The following CHD1L variants were observed in gnomAD, a reference collection of about 807,000 sequenced individuals.
CHD1L encodes chromodomain helicase DNA binding protein 1 like.
In CHD1L, 118 loss-of-function variants were observed where a neutral mutation model predicts 115.9. That is an observed-to-expected ratio of 1.02 (90% CI 0.88 to 1.19). The LOEUF is 1.19. CHD1L is among the 50% of genes most tolerant of loss of function. The probability of loss-of-function intolerance (pLI) is 0.00; values close to 1 mark genes in which losing one functional copy is unlikely to be tolerated. For synonymous variants in CHD1L, 411 were observed against 387.1 expected, an observed-to-expected ratio of 1.06 and a Z score of -0.72; for missense variants, 1,179 against 1,065.3, an observed-to-expected ratio of 1.11 and a Z score of -1.49.
chr1:147,187,258 A>C, the CHD1L span: 1 of 1,561,812 alleles, frequency 6.4e-7, no homozygotes, highest in Non-Finnish European at 8.7e-7. Context: ...AAAGTAGAAA[A>C]GACAGAAACC....
intron 2 of CHD1L, among the ~76,000 whole-genome samples, chr1:147,254,472 A>G (rs1268632324): frequency 6.6e-6 from 1 of 152,162 alleles, no homozygotes; most frequent in Non-Finnish European, 1.5e-5. Context: ...GAGGGCCACC[A>G]TGCGATTGGC....
the CHD1L span, among the ~76,000 whole-genome samples, chr1:147,206,896 C>T: frequency 6.6e-6 from 1 of 151,850 alleles, no homozygotes; most frequent in African/African-American, 2.4e-5. Flanking sequence ...AACAAACCTG[C>T]ACGTTGTGCA....
At chr1:147,295,347 T>C (rs2103053261) in intron 22 of CHD1L, 84 bp from the exon 23 acceptor site, 1 of 879,876 alleles carries the variant, frequency 1.1e-6, no homozygotes, top group Admixed American at 1.9e-5. Context: ...AGAACAGTTA[T>C]TTCAATAATT....
intron 1 of CHD1L, among the ~76,000 whole-genome samples, chr1:147,244,396 T>C (rs587773835): frequency 6.6e-6 from 1 of 152,294 alleles, no homozygotes; most frequent in South Asian, 2.1e-4. Context: ...TACTGAATAT[T>C]ATAACTTGTA....
At chr1:147,186,888 A>G in the CHD1L span, 1 of 1,599,946 alleles carries the variant, frequency 6.3e-7, no homozygotes, top group African/African-American at 1.3e-5. Context: ...CAGGGCAGTG[A>G]CAATAGGACA....
chr1:147,267,534 T>C lies in CHD1L; in HGVS notation c.988+16T>C. 6.3e-7 allele frequency: 1 copy of C among 1,587,432 alleles called. No individual in the cohort carries two copies. Among genetic ancestry groups the C allele is most frequent in the Non-Finnish European group, 8.6e-7 (1 of 1,160,272 alleles). ...TTGTTTGATGGTGAGACAGTGCCTTTTCCCCCCACATTATTCTTTGGTAAT... is the reference window on the plus strand; with the variant it reads ...TTGTTTGATGGTGAGACAGTGCCTTCTCCCCCCACATTATTCTTTGGTAAT... On this transcript the variant is annotated intron_variant, in intron 9 of 22. Transcript: ENST00000369258.
chr1:147,174,064 T>C, the CHD1L span, among the ~76,000 whole-genome samples: 1 of 152,220 alleles, frequency 6.6e-6, no homozygotes, highest in African/African-American at 2.4e-5. Flanking sequence ...TTTTATATTA[T>C]GAAGTTGACA....
In CHD1L at chr1:147,291,481, G is replaced by C. The variant is rs1553970395; in HGVS notation, c.2321-1G>C. The stretch of plus-strand genomic sequence containing the variant: ...TGTTGCTCCTTTCTGTTTTACCTCA[G>C]ACCTGAGTTTGGGAGGTGTCCTTTT... On this transcript the variant is annotated splice_acceptor_variant, in intron 19 of 22. Coordinates refer to ENST00000369258, the MANE Select transcript of CHD1L (RefSeq NM_004284.6). LOFTEE classifies it high-confidence loss of function. 5 of 1,613,374 alleles carry C rather than the reference G, an allele frequency of 3.1e-6. No homozygotes were observed. The highest frequency in any genetic ancestry group is 4.2e-6 in the Non-Finnish European group (5 of 1,179,390).
In CHD1L at chr1:147,272,202, G is replaced by A; in HGVS notation, c.1191G>A (p.Val397=). 6.2e-7 allele frequency: 1 copy of A among 1,614,130 alleles called. No homozygotes were observed. Among genetic ancestry groups the A allele is most frequent in the South Asian group, 1.1e-5 (1 of 91,074 alleles). The change falls in exon 12 of 23, where the codon GTG becomes GTA. Residue 397 remains valine, a synonymous_variant. Coordinates refer to ENST00000369258, the MANE Select transcript of CHD1L (RefSeq NM_004284.6). The stretch of plus-strand genomic sequence containing the variant: ...GCTATGAGCGTGTGGATGGTTCTGT[G>A]AGAGGAGAAGAGAGACACTTGGCCA... ...GYSYERVDGS[V]RGEERHLAIK...
the CHD1L span, chr1:147,210,954 T>C: frequency 6.6e-6 from 1 of 152,224 alleles, no homozygotes; most frequent in Non-Finnish European, 1.5e-5. Flanking sequence ...AAAACTTCCA[T>C]GATATACTGA....
chr1:147,187,048 C>T, the CHD1L span: 462 of 1,614,120 alleles, frequency 2.9e-4, no homozygotes, highest in African/African-American at 1.9e-3. Context: ...GATAGCTTTT[C>T]GAGCCCCATC....
the CHD1L span, among the ~76,000 whole-genome samples, chr1:147,181,497 CTG>C: frequency 6.6e-6 from 1 of 152,098 alleles, no homozygotes; most frequent in African/African-American, 2.4e-5. Context: ...GATTAGCTGA[CTG>C]TGAGGAAAGG....
At chr1:147,256,349 G>A (rs587669354) in intron 4 of CHD1L, among the ~76,000 whole-genome samples, 182 bp from the exon 5 acceptor site, 1 of 141,500 alleles carries the variant, frequency 7.1e-6, no homozygotes, top group Admixed American at 7.1e-5. Flanking sequence ...CACTTAATCA[G>A]GCTTTTCTCT....
At chr1:147,229,504 T>C in the CHD1L span, among the ~76,000 whole-genome samples, 1 of 152,198 alleles carries the variant, frequency 6.6e-6, no homozygotes, top group African/African-American at 2.4e-5. Flanking sequence ...TCTTTTTTGG[T>C]TCCATATGAA....
In CHD1L at chr1:147,286,499, AG is replaced by A. The variant is rs782396886; in HGVS notation, c.2221+1del. 2.7e-5 allele frequency: 43 copies of A among 1,613,034 alleles called. No homozygotes were observed. Among genetic ancestry groups the A allele is most frequent in the South Asian group, 2.1e-4 (19 of 91,050 alleles). On this transcript the variant is annotated frameshift_variant and splice_region_variant, in exon 18 of 23. Coordinates refer to ENST00000369258, the MANE Select transcript of CHD1L (RefSeq NM_004284.6). LOFTEE classifies it high-confidence loss of function. ...AGGATGCTCTCATTGTGCACTGCGT[AG>A]GTACGAGAAGTGGTATGGGCTGGGG... ...AEDALIVHCV[D>X]DSGHWGRGGL...
At chr1:147,198,623 G>A in the CHD1L span, among the ~76,000 whole-genome samples, 1 of 151,898 alleles carries the variant, frequency 6.6e-6, no homozygotes, top group Non-Finnish European at 1.5e-5. Flanking sequence ...GGCTGAGGCA[G>A]GCGGATCACG....
rs1375713834 is a variant in CHD1L, at chr1:147,280,164, G to A, written c.1678G>A (p.Gly560Arg). The change falls in exon 15 of 23, where the codon GGA (glycine) becomes AGA (arginine). Residue 560 changes from glycine to arginine, a missense_variant. By Grantham distance (125) the Gly-to-Arg change is moderately radical. Coordinates refer to ENST00000369258, the MANE Select transcript of CHD1L (RefSeq NM_004284.6). ...WVSDALPAAE[G>R]GSRDQEEGKN... Reference sequence around the variant, plus strand: ...CTCTGATGCCTTGCCTGCAGCAGAAGGAGGGAGCAGAGATCAAGAGGAAGG... The same window carrying A: ...CTCTGATGCCTTGCCTGCAGCAGAAAGAGGGAGCAGAGATCAAGAGGAAGG... 3 of 1,609,384 alleles carry A rather than the reference G, an allele frequency of 1.9e-6. No homozygotes were observed. Among genetic ancestry groups the A allele is most frequent in the East Asian group, 2.2e-5 (1 of 44,856 alleles).
Position 147,280,066 on chromosome 1 carries a change from C to T in CHD1L, c.1580C>T (p.Ala527Val), listed in dbSNP as rs1553960737. 1 of 1,613,886 alleles carries T rather than the reference C, an allele frequency of 6.2e-7. No individual in the cohort carries two copies. The highest frequency in any genetic ancestry group is 1.3e-5 in the African/African-American group (1 of 74,874). The stretch of plus-strand genomic sequence containing the variant: ...AAATTTGGTTTGGATAAACTGCTGG[C>T]CTCTGAGGGGAGCACCATGGATGAA... ...ILKFGLDKLL[A>V]SEGSTMDEID... is the part of the protein sequence containing the mutation. Residue 527 changes from alanine to valine, a missense_variant, in exon 15 of 23, where the codon GCC (alanine) becomes GTC (valine). By Grantham distance (64) the Ala-to-Val change is moderately conservative. Coordinates refer to ENST00000369258, the MANE Select transcript of CHD1L (RefSeq NM_004284.6).
chr1:147,228,060 C>T, the CHD1L span, among the ~76,000 whole-genome samples: 1 of 151,198 alleles, frequency 6.6e-6, no homozygotes, highest in South Asian at 2.1e-4. Flanking sequence ...GCACAACGTG[C>T]AGGTTAGTTA....
Sources: allele counts gnomAD v4.1 joint callset (sites outside exome capture counted in the v4.1 genomes callset), GRCh38; gene constraint gnomAD v4.1.1; transcripts MANE v1.5; gene names NCBI Gene and HGNC (gene_info 2026-07-23, HGNC 2026-07-21).